SGCZ: variants seen among roughly 807,000 people sequenced by gnomAD.
SGCZ encodes the protein sarcoglycan zeta, also known as zeta-sarcoglycan.
In SGCZ, 40 loss-of-function variants were observed where a neutral mutation model predicts 41.3. The ratio of observed to expected loss-of-function variants is 0.97; its 90% CI spans 0.75 to 1.26. SGCZ has a LOEUF of 1.26. Ranked by LOEUF, SGCZ falls within the 50% of genes most tolerant of loss-of-function variation. The pLI is 0.00. For missense variants in SGCZ, 552 were observed against 369.8 expected, an observed-to-expected ratio of 1.49 and a Z score of -4.04; for synonymous variants, 206 against 137.5, an observed-to-expected ratio of 1.50 and a Z score of -3.49.
At chr8:14,832,597 T>C (rs1563301675) in intron 1 of SGCZ, among the ~76,000 whole-genome samples, 2 of 152,186 alleles carry the variant, frequency 1.3e-5, no homozygotes, top group Non-Finnish European at 2.9e-5. Context: ...CAAATATGAT[T>C]TTATTTTAAA....
intron 1 of SGCZ, among the ~76,000 whole-genome samples, chr8:14,686,313 T>G (rs544119457): frequency 1.6e-4 from 24 of 152,206 alleles, no homozygotes; most frequent in African/African-American, 5.8e-4. Flanking sequence ...ATTTGAAATA[T>G]ACAATATAGT....
At chr8:14,590,870 A>C (rs1018432642) in intron 1 of SGCZ, among the ~76,000 whole-genome samples, 2 of 148,750 alleles carry the variant, frequency 1.3e-5, no homozygotes, top group African/African-American at 4.9e-5. Flanking sequence ...TATATTATAA[A>C]GTACTTATAC....
intron 2 of SGCZ, among the ~76,000 whole-genome samples, chr8:14,349,571 T>A (rs568528308): frequency 2.0e-5 from 3 of 152,058 alleles, no homozygotes; most frequent in African/African-American, 7.2e-5. Context: ...TCTCCAACAT[T>A]GGGGGTAAAA....
rs553894279 is a variant in SGCZ at position 14,515,808 on chromosome 8, T to G, written c.234+38924A>C. ...TTCTAGCACCTTTGCCTACATCATTTATTGCATAAAGTTTTAGTCTTTTTC... is the reference window on the plus strand; with the variant it reads ...TTCTAGCACCTTTGCCTACATCATTGATTGCATAAAGTTTTAGTCTTTTTC... On this transcript the variant is annotated intron_variant, in intron 2 of 7. Transcript: ENST00000382080. 2.6e-5 allele frequency among the ~76,000 whole-genome samples: 4 copies of G among 152,236 alleles called. 1 individual carries two copies. In the South Asian group the frequency reaches 8.3e-4, roughly 32 times the overall value.
chr8:15,037,694 G>A (rs1359360104), intron 1 of SGCZ, among the ~76,000 whole-genome samples: 1 of 152,266 alleles, frequency 6.6e-6, no homozygotes, highest in African/African-American at 2.4e-5. Context: ...GTCCCTGTTT[G>A]AAGAGATGAC....
intron 1 of SGCZ, among the ~76,000 whole-genome samples, chr8:14,731,952 G>A (rs1798866861): frequency 6.6e-6 from 1 of 152,038 alleles, no homozygotes; most frequent in African/African-American, 2.4e-5. Flanking sequence ...TCTTCCAGTC[G>A]ATACCATTAA....
chr8:15,201,616 A>G (rs1800892611), intron 1 of SGCZ, among the ~76,000 whole-genome samples: 1 of 152,172 alleles, frequency 6.6e-6, no homozygotes, highest in African/African-American at 2.4e-5. Context: ...AGGCTTTCTA[A>G]CAGGTACCAT....
At chr8:14,746,170 T>G (rs1349209760) in intron 1 of SGCZ, among the ~76,000 whole-genome samples, 8 of 152,050 alleles carry the variant, frequency 5.3e-5, no homozygotes. Context: ...ATATTAAATA[T>G]AACAAGGCAT....
chr8:15,079,623 A>G (rs116661658), intron 1 of SGCZ, among the ~76,000 whole-genome samples: 1 of 152,118 alleles, frequency 6.6e-6, no homozygotes, highest in Non-Finnish European at 1.5e-5. Context: ...GTAGATTCAA[A>G]CCTTCTATTT....
At chr8:14,828,522 C>G (rs141624528) in intron 1 of SGCZ, among the ~76,000 whole-genome samples, 1 of 152,176 alleles carries the variant, frequency 6.6e-6, no homozygotes, top group Non-Finnish European at 1.5e-5. Context: ...CAAGTGTAAT[C>G]AAGATCCTGA....
intron 1 of SGCZ, among the ~76,000 whole-genome samples, chr8:14,734,486 G>A (rs375152474): frequency 9.2e-5 from 14 of 152,172 alleles, no homozygotes; most frequent in East Asian, 5.8e-4. Context: ...AAGAAGCACC[G>A]TAAAGGTTTA....
rs1002320042 is a variant in SGCZ, at chr8:14,919,304, C to T, written c.39+318281G>A. ...AATACAAAAGAAATTAGCTGGGTGT[C>T]GTGGCATGTGCCTATAATCCCAGCT... is the stretch of plus-strand genomic sequence containing the variant. On this transcript the variant is annotated intron_variant, in intron 1 of 7. Coordinates refer to ENST00000382080, the MANE Select transcript of SGCZ (RefSeq NM_139167.4). Among the ~76,000 whole-genome samples the T allele has an allele frequency of 5.9e-5, 9 of 151,956 alleles. No individual in the cohort carries two copies. In the South Asian group the frequency reaches 1.2e-3, roughly 21 times the overall value.
intron 1 of SGCZ, among the ~76,000 whole-genome samples, chr8:14,599,371 C>A (rs1805515322): frequency 6.6e-6 from 1 of 152,176 alleles, no homozygotes; most frequent in Non-Finnish European, 1.5e-5. Context: ...CACCTCTACA[C>A]TGAAATCAAA....
intron 7 of SGCZ, among the ~76,000 whole-genome samples, chr8:14,093,131 A>G (rs1424388272): frequency 6.6e-6 from 1 of 152,156 alleles, no homozygotes; most frequent in African/African-American, 2.4e-5. Flanking sequence ...ATAGCTTATG[A>G]TTGTCTGAAG....
In SGCZ at chr8:15,096,628, A is replaced by C. The variant is rs11992632; in HGVS notation, c.39+140957T>G. On this transcript the variant is annotated intron_variant, in intron 1 of 7. Transcript: ENST00000382080. ...ATTTCTTCCCAGATAAAAACGAATG[A>C]AATATTTTACAAATTGTAAATATCT... Among the ~76,000 whole-genome samples, 458 of 152,260 alleles carry C rather than the reference A, an allele frequency of 3.0e-3. 4 individuals carry two copies. Among genetic ancestry groups the C allele is most frequent in the African/African-American group, 0.01 (426 of 41,562 alleles).
intron 5 of SGCZ, among the ~76,000 whole-genome samples, chr8:14,130,842 T>C (rs1803019438): frequency 6.6e-6 from 1 of 152,126 alleles, no homozygotes; most frequent in South Asian, 2.1e-4. Flanking sequence ...TTTGTTGCCG[T>C]GTGTGCAGTA....
chr8:14,217,431 T>C (rs1806038540), intron 4 of SGCZ, among the ~76,000 whole-genome samples: 1 of 151,960 alleles, frequency 6.6e-6, no homozygotes, highest in Admixed American at 6.6e-5. Context: ...TATTGTATGG[T>C]ATAGTTACAT....
intron 1 of SGCZ, among the ~76,000 whole-genome samples, chr8:14,614,984 ATGTGTGTGTATATATG>A (rs1806050926): frequency 7.4e-6 from 1 of 135,000 alleles, no homozygotes; most frequent in Non-Finnish European, 1.6e-5. Flanking sequence ...GTACACACAT[ATGTGTGTGTATATATG>A]TGTGTGTGTG....
intron 2 of SGCZ, among the ~76,000 whole-genome samples, chr8:14,531,639 G>T (rs947572579): frequency 6.6e-6 from 1 of 152,050 alleles, no homozygotes; most frequent in Non-Finnish European, 1.5e-5. Flanking sequence ...GGATAGCCAT[G>T]AAGATAATGA....
Sources: gnomAD v4.1 joint callset for allele counts (sites outside exome capture counted in the v4.1 genomes callset) on GRCh38, gnomAD v4.1.1 for gene constraint, MANE v1.5 for transcripts, NCBI Gene and HGNC (gene_info 2026-07-23, HGNC 2026-07-21) for gene names.